RFX2: variants seen among roughly 807,000 people sequenced by gnomAD.
RFX2 encodes regulatory factor X2.
A neutral mutation model predicts 87.8 loss-of-function variants in RFX2; 20 were observed. The observed-to-expected ratio is 0.23, with a 90% CI of 0.16 to 0.33. RFX2 has a LOEUF of 0.33. Among genes scored for constraint, RFX2 ranks in the 10% least tolerant of loss-of-function variants. The pLI, the probability that RFX2 is intolerant of heterozygous loss-of-function variation, is 1.00. For missense variants in RFX2, 767 were observed against 1,012.3 expected (o/e 0.76, Z 3.29); for synonymous variants, 397 against 431.3 (o/e 0.92, Z 0.98).
chr19:6,033,246 C>G (rs1406201155), intron 5 of RFX2, among the ~76,000 whole-genome samples: 2 of 152,202 alleles, frequency 1.3e-5, no homozygotes, highest in African/African-American at 2.4e-5. Context: ...TGTCCTTCCT[C>G]TGGACCAGGA....
intron 1 of RFX2, among the ~76,000 whole-genome samples, chr19:6,092,953 T>TA (rs142775072): frequency 0.039 from 5,906 of 151,448 alleles, 396 homozygotes; most frequent in African/African-American, 0.13. Flanking sequence ...ACGCATGTGG[T>TA]AAAAAAAAGG....
At position 6,101,346 on chromosome 19, in the gene RFX2, G is replaced by C. The variant is rs2088124573; in HGVS notation, c.-9+9047C>G. Among the ~76,000 whole-genome samples, 1 of 152,164 alleles carries C rather than the reference G, an allele frequency of 6.6e-6. No individual in the cohort carries two copies. The highest frequency in any genetic ancestry group is 2.4e-5 in the African/African-American group (1 of 41,438). On this transcript the variant is annotated intron_variant, in intron 1 of 17. Coordinates refer to ENST00000303657, the MANE Select transcript of RFX2 (RefSeq NM_000635.4). The surrounding 1 kb of genome is among the most constrained non-coding windows in gnomAD (Gnocchi z 4.9). ...TTCTCAAGGCAGGCTACATCTGTCT[G>C]TATGTATTCTGAGAAGGACAGGAGA...
chr19:6,032,110 T>C lies in RFX2; in HGVS notation c.523-5873A>G, dbSNP rs941513118. Among the ~76,000 whole-genome samples the C allele has an allele frequency of 5.3e-5, 8 of 152,210 alleles. No homozygotes were observed. In the South Asian group the frequency reaches 6.2e-4, roughly 12 times the overall value. ...TGGGGTCTTTATAGAGAATGCAGAT[T>C]GTTTTTATTTTATTATTATTATTAT... On this transcript the variant is annotated intron_variant, in intron 5 of 17. Transcript: ENST00000303657.
At chr19:6,006,460 A>ATT (rs35404707) in intron 12 of RFX2, among the ~76,000 whole-genome samples, 64 of 108,520 alleles carry the variant, frequency 5.9e-4, no homozygotes, top group Non-Finnish European at 8.5e-4. Context: ...TGCCCAGCTC[A>ATT]TTTTTTTTTT....
At chr19:6,070,536 G>A (rs2087592361) in intron 1 of RFX2, among the ~76,000 whole-genome samples, 1 of 152,016 alleles carries the variant, frequency 6.6e-6, no homozygotes, top group South Asian at 2.1e-4. Flanking sequence ...AAAGTATGAT[G>A]ACCTAGGTCC....
chr19:6,027,964 G>A lies in RFX2; in HGVS notation c.523-1727C>T, dbSNP rs1050459884. On this transcript the variant is annotated intron_variant, in intron 5 of 17. Coordinates refer to ENST00000303657, the MANE Select transcript of RFX2 (RefSeq NM_000635.4). This position sits in a 1 kb window ranked among gnomAD's most constrained non-coding sequence, Gnocchi z 5.0. ...TTTAGCAGAGACGGGATTTCTCTAC[G>A]TTGGCCAAGCTGGTCTTGAACTCCT... Among the ~76,000 whole-genome samples the A allele has an allele frequency of 2.0e-5, 3 of 152,102 alleles. No individual in the cohort carries two copies. The highest frequency in any genetic ancestry group is 2.9e-5 in the Non-Finnish European group (2 of 68,036).
rs926466406 is a variant in RFX2, at chr19:6,050,890, G to A, written c.-8-3386C>T. 6.6e-6 allele frequency among the ~76,000 whole-genome samples: 1 copy of A among 152,108 alleles called. No individual in the cohort carries two copies. Among genetic ancestry groups the A allele is most frequent in the Non-Finnish European group, 1.5e-5 (1 of 68,030 alleles). On this transcript the variant is annotated intron_variant, in intron 1 of 17. Transcript: ENST00000303657. The surrounding 1 kb of genome is among the most constrained non-coding windows in gnomAD (Gnocchi z 4.6). ...TGTCATGGTTAAACTGTTAAAAGAA[G>A]CAGTCAGAGAAAAACTACATATTAT... is the stretch of plus-strand genomic sequence containing the variant.
At chr19:6,058,220 C>T (rs532138573) in intron 1 of RFX2, among the ~76,000 whole-genome samples, 11 of 152,208 alleles carry the variant, frequency 7.2e-5, no homozygotes, top group African/African-American at 2.4e-4. Flanking sequence ...AGCAGCATCC[C>T]TGGCCTCCGC....
At position 6,040,170 on chromosome 19, in the gene RFX2, G is replaced by A; in HGVS notation, c.332C>T (p.Ala111Val). Reference protein sequence around the residue: ...APSSTASYFEAPGGAQVTVAA... With the variant: ...APSSTASYFEVPGGAQVTVAA... Reference sequence around the variant, plus strand: ...CACGGTCACCTGGGCACCGCCTGGGGCCTCGAAGTAAGAAGCCGTGCTGCT... The same window carrying A: ...CACGGTCACCTGGGCACCGCCTGGGACCTCGAAGTAAGAAGCCGTGCTGCT... The change falls in exon 5 of 18, where the codon GCC becomes GTC. Residue 111 changes from alanine (A) to valine (V), a missense_variant. Coordinates refer to ENST00000303657, the MANE Select transcript of RFX2 (RefSeq NM_000635.4). The surrounding 1 kb of genome is among the most constrained non-coding windows in gnomAD (Gnocchi z 6.1). The A allele has an allele frequency of 1.3e-6, 2 of 1,599,738 alleles. No individual in the cohort carries two copies. The highest frequency in any genetic ancestry group is 8.6e-7 in the Non-Finnish European group (1 of 1,169,210).
At chr19:6,091,414 C>T (rs1012367629) in intron 1 of RFX2, among the ~76,000 whole-genome samples, 2 of 151,080 alleles carry the variant, frequency 1.3e-5, no homozygotes, top group African/African-American at 4.9e-5. Context: ...CACCACCCCA[C>T]TGCAGCCTGG....
chr19:6,031,233 C>T (rs1285158832), intron 5 of RFX2, among the ~76,000 whole-genome samples: 2 of 152,034 alleles, frequency 1.3e-5, no homozygotes, highest in South Asian at 2.1e-4. Context: ...TCTGCCCACA[C>T]GTCAATCAAG....
chr19:6,043,663 A>C (rs947372465), intron 3 of RFX2, among the ~76,000 whole-genome samples: 10 of 152,168 alleles, frequency 6.6e-5, no homozygotes, highest in African/African-American at 2.4e-4. Context: ...CCTGGACCAC[A>C]AACCCCCAAA....
intron 1 of RFX2, among the ~76,000 whole-genome samples, chr19:6,103,786 C>T (rs2088165486): frequency 6.6e-6 from 1 of 152,246 alleles, no homozygotes; most frequent in South Asian, 2.1e-4. Context: ...CTAAAACAGA[C>T]AGCATGAGGC....
At position 6,007,300 on chromosome 19, in the gene RFX2, G is replaced by A. The variant is rs956467690; in HGVS notation, c.1248-134C>T. ...CTGGGGTTTTGCTCCCCATCCCTGAGCCTCGATGGGTCCCCTCCCTCCATG... is the reference window on the plus strand; with the variant it reads ...CTGGGGTTTTGCTCCCCATCCCTGAACCTCGATGGGTCCCCTCCCTCCATG... On this transcript the variant is annotated intron_variant, in intron 11 of 17. Transcript: ENST00000303657. The surrounding 1 kb of genome is among the most constrained non-coding windows in gnomAD (Gnocchi z 8.2). 1.2e-6 allele frequency: 1 copy of A among 835,458 alleles called. No homozygotes were observed. The highest frequency in any genetic ancestry group is 1.7e-5 in the African/African-American group (1 of 58,536). The allele number at this position is 835,458 out of a possible 1,614,324, so 51.8% of individuals were successfully genotyped here.
In RFX2 at chr19:6,001,364, G is replaced by T. The variant is rs941609082; in HGVS notation, c.1859+451C>A. 3.3e-5 allele frequency among the ~76,000 whole-genome samples: 5 copies of T among 152,152 alleles called. No individual in the cohort carries two copies. The highest frequency in any genetic ancestry group is 9.7e-5 in the African/African-American group (4 of 41,418). ...TGCAGCCTGGACCGCCTGGGCTCAAGGATCCTTCCACCTCAGCCTCACAAG... is the reference window on the plus strand; with the variant it reads ...TGCAGCCTGGACCGCCTGGGCTCAATGATCCTTCCACCTCAGCCTCACAAG... On this transcript the variant is annotated intron_variant, in intron 15 of 17. Transcript: ENST00000303657. This position sits in a 1 kb window ranked among gnomAD's most constrained non-coding sequence, Gnocchi z 5.6.
intron 1 of RFX2, among the ~76,000 whole-genome samples, chr19:6,085,572 C>T (rs145508359): frequency 1.3e-5 from 2 of 152,304 alleles, no homozygotes; most frequent in Admixed American, 1.3e-4. Flanking sequence ...TGTCTTTTTA[C>T]TCTGTTGCTA....
At chr19:6,079,151 A>G (rs2087740569) in intron 1 of RFX2, among the ~76,000 whole-genome samples, 1 of 152,246 alleles carries the variant, frequency 6.6e-6, no homozygotes. Context: ...GTAAATTACC[A>G]AACTGTAATC....
At chr19:6,109,676 C>T (rs1354623923) in intron 1 of RFX2, among the ~76,000 whole-genome samples, 1 of 152,102 alleles carries the variant, frequency 6.6e-6, no homozygotes, top group Non-Finnish European at 1.5e-5. Flanking sequence ...ACCCCAATTT[C>T]GGAGGTTTGG....
rs547311247 is a variant in RFX2, at chr19:6,004,812, A to C, written c.1403-514T>G. On this transcript the variant is annotated intron_variant, in intron 12 of 17. Transcript: ENST00000303657. The surrounding 1 kb of genome is among the most constrained non-coding windows in gnomAD (Gnocchi z 4.8). ...ATGATCAGACTGTTAAAAAAAAAAA[A>C]AACCAAAAAACAAAAACAGAAAAAG... Among the ~76,000 whole-genome samples, 3 of 152,160 alleles carry C rather than the reference A, an allele frequency of 2.0e-5. No homozygotes were observed. The highest frequency in any genetic ancestry group is 4.1e-4 in the South Asian group (2 of 4,824).
Sources: allele counts gnomAD v4.1 joint callset (sites outside exome capture counted in the v4.1 genomes callset), GRCh38; gene constraint gnomAD v4.1.1; non-coding constraint Gnocchi (gnomAD v3.1); transcripts MANE v1.5; gene names NCBI Gene and HGNC (gene_info 2026-07-23, HGNC 2026-07-21).